The following ARID3A variants were observed in gnomAD, a reference collection of about 807,000 sequenced individuals.
The protein encoded by ARID3A is AT-rich interaction domain 3A, also known as AT-rich interactive domain-containing protein 3A.
In ARID3A, 11 loss-of-function variants were observed where a neutral mutation model predicts 52.7. The ratio of observed to expected loss-of-function variants is 0.21; its 90% CI spans 0.13 to 0.35. ARID3A has a LOEUF of 0.35. ARID3A is among the 10% of genes least tolerant of loss of function. The probability of loss-of-function intolerance (pLI) is 1.00; values close to 1 mark genes in which losing one functional copy is unlikely to be tolerated. For missense variants in ARID3A, 721 were observed against 838.5 expected (o/e 0.86, Z 1.73); for synonymous variants, 404 against 359.4 (o/e 1.12, Z -1.40).
At position 944,325 on chromosome 19, in the gene ARID3A, G is replaced by GGGGT. The variant is rs1555727927; in HGVS notation, c.693+11584_693+11585insGGTG. On this transcript the variant is annotated intron_variant, in intron 3 of 8. Coordinates refer to ENST00000263620, the MANE Select transcript of ARID3A (RefSeq NM_005224.3). The surrounding 1 kb of genome is among the most constrained non-coding windows in gnomAD (Gnocchi z 5.9). ...TCTGGCTGCAGGGGCGCGTCCAGGG[G>GGGGT]GTGTGTGTGTGTGTGTGTGTGTGTC... Among the ~76,000 whole-genome samples, 10 of 149,840 alleles carry GGGGT rather than the reference G, an allele frequency of 6.7e-5. No individual in the cohort carries two copies. Among genetic ancestry groups the GGGGT allele is most frequent in the South Asian group, 6.4e-4 (3 of 4,696 alleles).
rs1327684069 is a variant in ARID3A at position 940,800 on chromosome 19, G to A, written c.693+8058G>A. On this transcript the variant is annotated intron_variant, in intron 3 of 8. Transcript: ENST00000263620. ...CGGGAGCCCCGGCTGCACGTGAGCC[G>A]CCGGGAGGGCTGTCGGGAAGCCCCC... Among the ~76,000 whole-genome samples the A allele has an allele frequency of 3.9e-5, 6 of 152,118 alleles. No homozygotes were observed. In the East Asian group the frequency reaches 5.8e-4, roughly 15 times the overall value.
intron 8 of ARID3A, among the ~76,000 whole-genome samples, chr19:969,409 C>T (rs904058341): frequency 1.3e-5 from 2 of 151,164 alleles, no homozygotes; most frequent in African/African-American, 2.4e-5. Flanking sequence ...TGGTGGCAGG[C>T]GCCCATAGTC....
intron 4 of ARID3A, among the ~76,000 whole-genome samples, chr19:962,908 C>T (rs764124846): frequency 6.6e-6 from 1 of 152,172 alleles, no homozygotes; most frequent in East Asian, 1.9e-4. Flanking sequence ...CCGGGCCGAT[C>T]CTGCAGCTGA....
chr19:948,176 C>T (rs1323790106), intron 3 of ARID3A, among the ~76,000 whole-genome samples: 1 of 151,816 alleles, frequency 6.6e-6, no homozygotes, highest in Non-Finnish European at 1.5e-5. Context: ...CTGACCTCTT[C>T]CTCCTGCTCC....
chr19:970,498 CTTTTTTTTTT>C (rs1177419405), intron 8 of ARID3A, among the ~76,000 whole-genome samples: 11 of 88,350 alleles, frequency 1.2e-4, no homozygotes, highest in South Asian at 4.6e-4. Flanking sequence ...AATAGTTTTT[CTTTTTTTTTT>C]TTTTTTTTTT....
chr19:934,454 C>T (rs903911823), intron 3 of ARID3A, among the ~76,000 whole-genome samples: 2 of 152,218 alleles, frequency 1.3e-5, no homozygotes, highest in African/African-American at 2.4e-5. Flanking sequence ...GGCGACACCG[C>T]GGGTCAGGGT....
chr19:952,072 C>T (rs972394580), intron 3 of ARID3A, among the ~76,000 whole-genome samples: 1 of 151,918 alleles, frequency 6.6e-6, no homozygotes, highest in Non-Finnish European at 1.5e-5. Flanking sequence ...ACCCGGGAGG[C>T]GGAGGTTGCA....
Position 929,294 on chromosome 19 carries a change from A to C in ARID3A, c.-235A>C, listed in dbSNP as rs2037265643. The C allele has an allele frequency of 2.6e-6, 1 of 391,652 alleles. No homozygotes were observed. The highest frequency in any genetic ancestry group is 3.9e-6 in the Non-Finnish European group (1 of 258,266). The allele number at this position is 391,652 out of a possible 1,614,324, so 24.3% of individuals were successfully genotyped here. A position where few individuals can be genotyped will look rare whatever the true frequency, so the allele number is the denominator to read the frequency against. ...CAAATGCGTGAATGAGCCGGATGCC[A>C]GCCTCTGTCCCCTGGAGCCCAGCGT... is the stretch of plus-strand genomic sequence containing the variant. On this transcript the variant is annotated 5_prime_UTR_variant, in exon 2 of 9. Coordinates refer to ENST00000263620, the MANE Select transcript of ARID3A (RefSeq NM_005224.3). The surrounding 1 kb of genome is among the most constrained non-coding windows in gnomAD (Gnocchi z 6.2).
intron 3 of ARID3A, among the ~76,000 whole-genome samples, chr19:948,430 C>T (rs2037732746): frequency 6.6e-6 from 1 of 152,140 alleles, no homozygotes; most frequent in African/African-American, 2.4e-5. Flanking sequence ...CCTCCCGGGG[C>T]CGCGGTCCTG....
At chr19:948,154 C>T (rs2037727191) in intron 3 of ARID3A, among the ~76,000 whole-genome samples, 1 of 151,964 alleles carries the variant, frequency 6.6e-6, no homozygotes, top group Non-Finnish European at 1.5e-5. Flanking sequence ...CTTCACAGCC[C>T]ACCCGCCCCA....
At chr19:953,579 G>A (rs1238359581) in intron 3 of ARID3A, among the ~76,000 whole-genome samples, 1 of 152,206 alleles carries the variant, frequency 6.6e-6, no homozygotes, top group Non-Finnish European at 1.5e-5. Flanking sequence ...GTGTAACGGG[G>A]CTCGGGCGTG....
chr19:928,628 C>T (rs1344210862), intron 1 of ARID3A: 1 of 152,230 alleles, frequency 6.6e-6, no homozygotes, highest in Non-Finnish European at 1.5e-5. Flanking sequence ...CTGGTGCCCC[C>T]TTCTCTGACA....
rs60224169 is a variant in ARID3A at position 941,423 on chromosome 19, C to T, written c.693+8681C>T. Among the ~76,000 whole-genome samples, 19,047 of 152,136 alleles carry T rather than the reference C, an allele frequency of 0.13. 1,567 individuals carry two copies. Among genetic ancestry groups the T allele is most frequent in the East Asian group, 0.45 (2,293 of 5,136 alleles). On this transcript the variant is annotated intron_variant, in intron 3 of 8. Transcript: ENST00000263620. The surrounding 1 kb of genome is among the most constrained non-coding windows in gnomAD (Gnocchi z 6.9). ...TGTGGGGCTGTGTGCACCCAGCCAG[C>T]GGCACCTCACGCGCCCGCCTGCGTG...
At chr19:939,558 C>G (rs2037503674) in intron 3 of ARID3A, among the ~76,000 whole-genome samples, 1 of 152,174 alleles carries the variant, frequency 6.6e-6, no homozygotes, top group African/African-American at 2.4e-5. Flanking sequence ...CTTTCTCTGC[C>G]CACTCACACC....
intron 8 of ARID3A, among the ~76,000 whole-genome samples, chr19:969,924 C>G (rs1356555643): frequency 1.3e-5 from 2 of 151,934 alleles, no homozygotes; most frequent in Non-Finnish European, 2.9e-5. Context: ...GACTCTTGAC[C>G]TCAGGTGATC....
chr19:934,667 GC>G (rs2037402754), intron 3 of ARID3A, among the ~76,000 whole-genome samples: 1 of 152,182 alleles, frequency 6.6e-6, no homozygotes, highest in Non-Finnish European at 1.5e-5. Flanking sequence ...GGGACCGGGT[GC>G]CGCCTCTGGG....
intron 3 of ARID3A, among the ~76,000 whole-genome samples, chr19:952,109 C>G (rs1218960885): frequency 2.0e-5 from 3 of 151,944 alleles, no homozygotes; most frequent in East Asian, 3.9e-4. Context: ...CCACTGTACT[C>G]CAGCCTGAGC....
At chr19:948,890 G>A (rs530401232) in intron 3 of ARID3A, among the ~76,000 whole-genome samples, 1 of 152,072 alleles carries the variant, frequency 6.6e-6, no homozygotes, top group African/African-American at 2.4e-5. Flanking sequence ...TTGTATTTTA[G>A]TAGAGACAGG....
intron 3 of ARID3A, chr19:956,494 C>G (rs894991785): frequency 6.6e-6 from 1 of 152,462 alleles, no homozygotes; most frequent in Non-Finnish European, 1.5e-5. Context: ...AGGACGAGGC[C>G]GGGCGTGTGG....
Sources: gnomAD v4.1 joint callset for allele counts (sites outside exome capture counted in the v4.1 genomes callset) on GRCh38, gnomAD v4.1.1 for gene constraint, Gnocchi (gnomAD v3.1) non-coding constraint, MANE v1.5 for transcripts, NCBI Gene and HGNC (gene_info 2026-07-23, HGNC 2026-07-21) for gene names.